The following RS1 variants were observed in gnomAD, a reference collection of about 807,000 sequenced individuals.
RS1 encodes retinoschisin 1.
RS1 carries 2 observed loss-of-function variants against 20.8 expected under a neutral mutation model. The ratio of observed to expected loss-of-function variants is 0.10; its 90% confidence interval spans 0.04 to 0.30. The LOEUF is 0.30. Ranked by LOEUF, RS1 falls within the 10% of genes least tolerant of loss-of-function variation. The probability of loss-of-function intolerance (pLI) is 1.00; values close to 1 mark genes in which losing one functional copy is unlikely to be tolerated. For synonymous variants in RS1, 70 were observed against 75.8 expected (o/e 0.92, Z 0.40); for missense variants, 151 against 189.8 (o/e 0.80, Z 1.20).
At chrX:18,657,828 C>T (rs1488017759) in intron 1 of RS1, among the ~76,000 whole-genome samples, 163 bp from the exon 2 acceptor site, 3 of 111,930 alleles carry the variant, frequency 2.7e-5, no homozygotes, top group Non-Finnish European at 3.8e-5. Context: ...GAAAAACATC[C>T]GCAGATGCTA....
intron 1 of RS1, among the ~76,000 whole-genome samples, chrX:18,658,899 G>A (rs1928266185): frequency 9.0e-6 from 1 of 111,444 alleles, no homozygotes; most frequent in African/African-American, 3.3e-5. Flanking sequence ...TTAAGATTAA[G>A]ACATTGTTTA....
chrX:18,657,217 C>CTTTTTTTTTTTTTTT (rs749358875), intron 2 of RS1, among the ~76,000 whole-genome samples: 2 of 65,138 alleles, frequency 3.1e-5, no homozygotes, highest in Non-Finnish European at 2.7e-5. Flanking sequence ...AAAAAAAATA[C>CTTTTTTTTTTTTTTT]TTTTTTTTTT....
chrX:18,647,884 C>T (rs1327457985), intron 3 of RS1, among the ~76,000 whole-genome samples: 1 of 98,145 alleles, frequency 1.0e-5, no homozygotes, highest in Admixed American at 1.0e-4. Context: ...GTTTTCTCAC[C>T]AGTCTAATGA....
intron 3 of RS1, among the ~76,000 whole-genome samples, chrX:18,649,056 A>AG (rs1927917004): frequency 9.2e-6 from 1 of 109,192 alleles, no homozygotes. Flanking sequence ...AAAAAAAAAA[A>AG]AAAGAAAACT....
At chrX:18,643,054 CAAAA>C (rs775540160) in intron 5 of RS1, among the ~76,000 whole-genome samples, 72 of 111,268 alleles carry the variant, frequency 6.5e-4, no homozygotes, top group Admixed American at 1.4e-3. Flanking sequence ...CAAAACAAAA[CAAAA>C]AGACATAAAA....
At chrX:18,662,193 G>A (rs1928323387) in intron 1 of RS1, among the ~76,000 whole-genome samples, 1 of 112,272 alleles carries the variant, frequency 8.9e-6, no homozygotes, top group East Asian at 2.8e-4. Context: ...AAATTTCTGT[G>A]GTTTATAAGC....
chrX:18,649,041 C>CA (rs746581850), intron 3 of RS1, among the ~76,000 whole-genome samples: 1,243 of 50,668 alleles, frequency 0.025, 17 homozygotes, highest in East Asian at 0.055. Context: ...GACACTGTCT[C>CA]AAAAAAAAAA....
At position 18,650,176 on chromosome X, in the gene RS1, G is replaced by T. The variant is rs192574576; in HGVS notation, c.185-2844C>A. 51 of 450,624 alleles carry T rather than the reference G, an allele frequency of 1.1e-4. No individual in the cohort carries two copies. The African/African-American group carries it at 1.1e-3, about 10-fold the overall frequency. 37.1% of individuals were successfully genotyped at this position (450,624 alleles called of 1,213,427 possible). A position where few individuals can be genotyped will look rare whatever the true frequency, so the allele number is the denominator to read the frequency against. ...CCAGAGCGGTCTGTAGCCCTGCAGG[G>T]GTACCTGGCCAGGGCCAATGGCCTT... On this transcript the variant is annotated intron_variant, in intron 3 of 5. Transcript: ENST00000379984.
chrX:18,669,673 G>C (rs1478902016), intron 1 of RS1, among the ~76,000 whole-genome samples: 1 of 110,828 alleles, frequency 9.0e-6, no homozygotes, highest in Non-Finnish European at 1.9e-5. Flanking sequence ...TTGTCTTCAG[G>C]TTCCCAGCTG....
chrX:18,663,462 C>T (rs1301450321), intron 1 of RS1, among the ~76,000 whole-genome samples: 2 of 107,822 alleles, frequency 1.9e-5, no homozygotes, highest in African/African-American at 6.8e-5. Flanking sequence ...CTCACCTCAG[C>T]CTCCCATGGT....
chrX:18,671,931 T>G, intron 1 of RS1, 86 bp downstream of exon 1: 3 of 783,002 alleles, frequency 3.8e-6, no homozygotes, highest in Non-Finnish European at 3.9e-6. Flanking sequence ...ATTTATATTA[T>G]TCAGGCTATA....
At chrX:18,653,423 G>A in intron 3 of RS1, 6 of 1,210,175 alleles carry the variant, frequency 5.0e-6, no homozygotes, top group Non-Finnish European at 6.7e-6. Flanking sequence ...GTCCTTCTGT[G>A]CTTTCCAGGG....
chrX:18,644,891 G>A (rs1338883523), intron 4 of RS1, among the ~76,000 whole-genome samples: 1 of 112,879 alleles, frequency 8.9e-6, no homozygotes, highest in East Asian at 2.8e-4. Context: ...ATGCCTCAGA[G>A]TGTGGCTGAA....
intron 1 of RS1, among the ~76,000 whole-genome samples, chrX:18,658,517 G>T (rs773630456): frequency 1.8e-5 from 2 of 109,548 alleles, no homozygotes; most frequent in Non-Finnish European, 3.8e-5. Context: ...GTACAATGGC[G>T]CGATCTCGGC....
At chrX:18,644,689 G>A (rs1927711943) in intron 4 of RS1, 64 bp from the exon 5 acceptor site, 4 of 1,115,204 alleles carry the variant, frequency 3.6e-6, no homozygotes, top group Non-Finnish European at 4.9e-6. Flanking sequence ...AAGCCCGCAG[G>A]TGCTGGCTCT....
At chrX:18,651,264 T>TGTGTGTGTGTGTGAGAGAGA (rs1491242962) in intron 3 of RS1, among the ~76,000 whole-genome samples, 5 of 69,008 alleles carry the variant, frequency 7.2e-5, no homozygotes, top group African/African-American at 3.1e-4. Context: ...TGTGTGTGTG[T>TGTGTGTGTGTGTGAGAGAGA]GAGAGAGAGA....
chrX:18,642,258 T>G, intron 5 of RS1, 102 bp from the exon 6 acceptor site: 1 of 922,107 alleles, frequency 1.1e-6, no homozygotes, highest in Non-Finnish European at 1.6e-6. Context: ...TAGAAATGAT[T>G]AGGAAGTAGT....
intron 1 of RS1, among the ~76,000 whole-genome samples, chrX:18,662,980 C>G (rs986255997): frequency 3.8e-5 from 4 of 106,437 alleles, no homozygotes; most frequent in African/African-American, 1.4e-4. Context: ...GCCACATTTT[C>G]TTAATCCAGT....
intron 5 of RS1, among the ~76,000 whole-genome samples, chrX:18,642,397 A>G (rs991877343): frequency 3.6e-5 from 4 of 111,775 alleles, no homozygotes; most frequent in Admixed American, 2.8e-4. Context: ...TTTACACTTC[A>G]ATTAATTAAA....
Sources: gnomAD v4.1 joint callset for allele counts (sites outside exome capture counted in the v4.1 genomes callset) on GRCh38, gnomAD v4.1.1 for gene constraint, MANE v1.5 for transcripts, NCBI Gene and HGNC (gene_info 2026-07-23, HGNC 2026-07-21) for gene names.